GK5: variants seen among roughly 807,000 people sequenced by gnomAD.
GK5 encodes the protein glycerol kinase 5, also known as ATP:glycerol 3-phosphotransferase 5.
Under a neutral mutation model 77.3 loss-of-function variants are expected in GK5, and 39 were observed. That is an observed-to-expected ratio of 0.50 (90% CI 0.39 to 0.66). The LOEUF (loss-of-function observed/expected upper bound fraction) is 0.66. Ranked by LOEUF, GK5 falls within the 30% of genes least tolerant of loss-of-function variation. The probability of loss-of-function intolerance (pLI) is 0.00; values close to 1 mark genes in which losing one functional copy is unlikely to be tolerated. For missense variants in GK5, 487 were observed against 633.8 expected (o/e 0.77, Z 2.49); for synonymous variants, 211 against 208.0 (o/e 1.01, Z -0.13).
chr3:142,173,771 A>C (rs1159565448), intron 12 of GK5, among the ~76,000 whole-genome samples: 1 of 152,200 alleles, frequency 6.6e-6, no homozygotes, highest in Non-Finnish European at 1.5e-5. Flanking sequence ...TCTCACAAGG[A>C]AACAGACAAG....
At chr3:142,171,905 G>T (rs964810126) in intron 13 of GK5, among the ~76,000 whole-genome samples, 1 of 152,038 alleles carries the variant, frequency 6.6e-6, no homozygotes, top group African/African-American at 2.4e-5. Flanking sequence ...CCATATTCAT[G>T]ACAGCATCAT....
Position 142,215,691 on chromosome 3 carries a change from A to G in GK5, c.149T>C (p.Val50Ala). The G allele has an allele frequency of 6.6e-7, 1 of 1,511,386 alleles. No homozygotes were observed. Among genetic ancestry groups the G allele is most frequent in the Non-Finnish European group, 9.2e-7 (1 of 1,090,350 alleles). 93.6% of individuals were successfully genotyped at this position (1,511,386 alleles called of 1,614,324 possible). ...GCCAATTTGAGGATAAAGATTTTCT[A>G]CCTATTAAGGAAAAGAAGATTTAGT... ...ARVCGSSVQK[V>A]ENLYPQIGWV... The change falls in exon 2 of 16, where the codon GTA (valine) becomes GCA (alanine). Residue 50 changes from valine to alanine, a missense_variant and splice_region_variant. Val to Ala is a moderately conservative substitution (Grantham distance 64, BLOSUM62 0). Transcript: ENST00000392993.
In GK5 at chr3:142,225,356, G is replaced by A; in HGVS notation, c.100C>T (p.His34Tyr). 1.3e-6 allele frequency: 2 copies of A among 1,576,696 alleles called. No individual in the cohort carries two copies. The highest frequency in any genetic ancestry group is 8.6e-7 in the Non-Finnish European group (1 of 1,162,642). The part of the protein sequence containing the change: ...LDVGSSVIRC[H>Y]VYDRAARVCG... ...ACCCGCGCCGCCCGGTCATAGACGT[G>A]GCAGCGGATCACAGAACTGCCCACA... is the stretch of plus-strand genomic sequence containing the variant. Residue 34 changes from histidine (H) to tyrosine (Y), a missense_variant, in exon 1 of 16, where the codon CAC becomes TAC. Physicochemically the swap from His to Tyr is moderately conservative, Grantham distance 83 (BLOSUM62 2). Around this residue, in one of 4 missense-constraint regions of GK5, gnomAD observed 97 missense variants for 86.9 expected, o/e 1.12. Coordinates refer to ENST00000392993, the MANE Select transcript of GK5 (RefSeq NM_001039547.3).
At chr3:142,195,153 A>C (rs554639379) in intron 5 of GK5, among the ~76,000 whole-genome samples, 1 of 151,926 alleles carries the variant, frequency 6.6e-6, no homozygotes, top group Non-Finnish European at 1.5e-5. Flanking sequence ...TATTCTATTA[A>C]TATGGTGTAT....
chr3:142,181,704 C>G, intron 10 of GK5, 139 bp from the exon 11 acceptor site: 1 of 582,470 alleles, frequency 1.7e-6, no homozygotes, highest in African/African-American at 1.9e-5. Flanking sequence ...AACTCTAGCC[C>G]ACTTACATTT....
intron 2 of GK5, 26 bp from the exon 3 acceptor site, chr3:142,213,627 A>G (rs746688957): frequency 1.4e-6 from 2 of 1,427,318 alleles, no homozygotes; most frequent in Non-Finnish European, 2.0e-6. Context: ...GATAAAACAC[A>G]TGTTTTAAAG....
At chr3:142,201,908 AAAC>A (rs1471126151) in intron 4 of GK5, among the ~76,000 whole-genome samples, 1 of 152,186 alleles carries the variant, frequency 6.6e-6, no homozygotes, top group Admixed American at 6.5e-5. Flanking sequence ...ACAATGAAGG[AAAC>A]AAAGGGCAAC....
chr3:142,198,691 C>T, intron 5 of GK5, 111 bp downstream of exon 5: 1 of 953,050 alleles, frequency 1.0e-6, no homozygotes, highest in Non-Finnish European at 1.5e-6. Context: ...CTTAATTTTC[C>T]CTCAAATAAT....
Position 142,198,943 on chromosome 3 carries a change from A to T in GK5, c.412-10T>A, listed in dbSNP as rs759484848. 7 of 1,594,948 alleles carry T rather than the reference A, an allele frequency of 4.4e-6. No homozygotes were observed. Among genetic ancestry groups the T allele is most frequent in the Middle Eastern group, 1.7e-4 (1 of 6,028 alleles). On this transcript the variant is annotated splice_polypyrimidine_tract_variant and intron_variant, in intron 4 of 15. Coordinates refer to ENST00000392993, the MANE Select transcript of GK5 (RefSeq NM_001039547.3). ...AAGAACTGTGAAATATCTATATTTT[A>T]AAAAACATATTTTAGGAAAATGCAT...
intron 2 of GK5, among the ~76,000 whole-genome samples, chr3:142,214,121 G>A (rs2064237947): frequency 6.6e-6 from 1 of 152,180 alleles, no homozygotes; most frequent in South Asian, 2.1e-4. Flanking sequence ...ACTGTGCCCG[G>A]CCTTAAAGGT....
intron 9 of GK5, chr3:142,185,306 G>T: frequency 3.2e-6 from 1 of 314,774 alleles, no homozygotes; most frequent in Non-Finnish European, 4.6e-6. Flanking sequence ...TTGGCTACTT[G>T]GGAGGCTGGG....
chr3:142,203,024 A>G (rs995117652), intron 4 of GK5, among the ~76,000 whole-genome samples: 2 of 152,220 alleles, frequency 1.3e-5, no homozygotes, highest in African/African-American at 4.8e-5. Context: ...CAAAGCAATA[A>G]AAGTGTTAAA....
intron 3 of GK5, among the ~76,000 whole-genome samples, chr3:142,208,902 C>A (rs565337106): frequency 1.3e-5 from 2 of 152,210 alleles, no homozygotes; most frequent in Non-Finnish European, 2.9e-5. Context: ...GTAATCCCAG[C>A]ACTTTAGGAG....
chr3:142,159,847 C>CTTTTTTTTTT lies in GK5; in HGVS notation c.*5774_*5775insAAAAAAAAAA, dbSNP rs1407448771. ...TGGGGCTTTCTCTCTCTCTCTCTCT[C>CTTTTTTTTTT]TCTCTCTTTTTTTTTTTTGAGACAG... is the stretch of plus-strand genomic sequence containing the variant. On this transcript the variant is annotated 3_prime_UTR_variant, in exon 16 of 16. Transcript: ENST00000392993. The CTTTTTTTTTT allele has an allele frequency of 1.7e-4, 18 of 103,142 alleles. No homozygotes were observed. The highest frequency in any genetic ancestry group is 6.8e-4 in the African/African-American group (17 of 25,136). 6.4% of individuals were successfully genotyped at this position (103,142 alleles called of 1,614,324 possible).
intron 4 of GK5, among the ~76,000 whole-genome samples, chr3:142,200,448 G>A (rs1220138322): frequency 6.6e-6 from 1 of 152,078 alleles, no homozygotes; most frequent in Non-Finnish European, 1.5e-5. Context: ...GATTACAGGC[G>A]TGAACCACTG....
intron 12 of GK5, chr3:142,173,142 A>G: frequency 2.3e-6 from 1 of 427,250 alleles, no homozygotes; most frequent in Non-Finnish European, 4.6e-6. Flanking sequence ...TTGAGGCTGC[A>G]ATGAGCCGTG....
At chr3:142,171,272 G>A in intron 14 of GK5, 147 bp downstream of exon 14, 2 of 662,338 alleles carry the variant, frequency 3.0e-6, no homozygotes, top group Non-Finnish European at 4.5e-6. Flanking sequence ...TTGTTGTGAA[G>A]GAGCTAAGCA....
rs568058488 is a variant in GK5, at chr3:142,160,558, C to T, written c.*5064G>A. On this transcript the variant is annotated 3_prime_UTR_variant, in exon 16 of 16. Coordinates refer to ENST00000392993, the MANE Select transcript of GK5 (RefSeq NM_001039547.3). ...CCTTCCCTATAGCACCAGAGTGTTT[C>T]GCACTCTTAAAATTCAATCTGTTAG... 4 of 152,206 alleles carry T rather than the reference C, an allele frequency of 2.6e-5. No individual in the cohort carries two copies. Among genetic ancestry groups the T allele is most frequent in the Admixed American group, 6.5e-5 (1 of 15,294 alleles). 9.4% of individuals were successfully genotyped at this position (152,206 alleles called of 1,614,324 possible). A position where few individuals can be genotyped will look rare whatever the true frequency, so the allele number is the denominator to read the frequency against.
chr3:142,194,684 C>CA (rs1235129559), intron 5 of GK5, among the ~76,000 whole-genome samples: 1 of 151,508 alleles, frequency 6.6e-6, no homozygotes, highest in Non-Finnish European at 1.5e-5. Flanking sequence ...GACTCTGTGT[C>CA]AAAAAAGAAA....
Sources: gnomAD v4.1 joint callset for allele counts (sites outside exome capture counted in the v4.1 genomes callset) on GRCh38, gnomAD v4.1.1 for gene constraint, gnomAD v4.1.1 regional missense constraint, MANE v1.5 for transcripts, NCBI Gene and HGNC (gene_info 2026-07-23, HGNC 2026-07-21) for gene names.